The following MKRN1 variants were observed in gnomAD, a reference collection of about 807,000 sequenced individuals.
MKRN1 encodes the protein makorin ring finger protein 1, also known as E3 ubiquitin-protein ligase makorin-1.
Under a neutral mutation model 55.5 loss-of-function variants are expected in MKRN1, and 9 were observed. That is an observed-to-expected ratio of 0.16 (90% confidence interval 0.10 to 0.28). MKRN1 has a LOEUF of 0.28. Ranked by LOEUF, MKRN1 falls within the 10% of genes least tolerant of loss-of-function variation. The pLI, the probability that MKRN1 is intolerant of heterozygous loss-of-function variation, is 1.00. For missense variants in MKRN1, 488 were observed against 626.7 expected (o/e 0.78, Z 2.36); for synonymous variants, 253 against 235.9 (o/e 1.07, Z -0.66).
chr7:140,457,966 G>A (rs1011909815), intron 4 of MKRN1, among the ~76,000 whole-genome samples: 3 of 152,046 alleles, frequency 2.0e-5, no homozygotes, highest in African/African-American at 7.2e-5. Context: ...TAAAAAGATG[G>A]AAATTTAAAA....
At chr7:140,460,853 T>A (rs1794597795) in intron 2 of MKRN1, among the ~76,000 whole-genome samples, 1 of 152,254 alleles carries the variant, frequency 6.6e-6, no homozygotes, top group South Asian at 2.1e-4. Flanking sequence ...TATTCAACTC[T>A]GAAACTGCAG....
At chr7:140,463,763 T>C (rs1023098932) in intron 2 of MKRN1, among the ~76,000 whole-genome samples, 2 of 151,916 alleles carry the variant, frequency 1.3e-5, no homozygotes, top group African/African-American at 4.8e-5. Context: ...CAGGCGCCTG[T>C]AGTCCCAGCT....
intron 1 of MKRN1, among the ~76,000 whole-genome samples, chr7:140,474,102 CTA>C (rs1479325274): frequency 1.3e-5 from 2 of 151,430 alleles, no homozygotes; most frequent in African/African-American, 4.9e-5. Flanking sequence ...TGGCTCACAC[CTA>C]CAATCCCAGC....
At chr7:140,461,176 A>C (rs1794605707) in intron 2 of MKRN1, among the ~76,000 whole-genome samples, 1 of 152,268 alleles carries the variant, frequency 6.6e-6, no homozygotes, top group South Asian at 2.1e-4. Context: ...ATTAAAAGGT[A>C]GAGACAATAT....
intron 1 of MKRN1, chr7:140,473,182 T>G: frequency 4.8e-6 from 2 of 417,090 alleles, no homozygotes; most frequent in Non-Finnish European, 9.3e-6. Context: ...TGAATATAAG[T>G]ATATGTCTTG....
At chr7:140,463,216 C>G (rs562953548) in intron 2 of MKRN1, among the ~76,000 whole-genome samples, 4 of 152,310 alleles carry the variant, frequency 2.6e-5, no homozygotes, top group African/African-American at 9.6e-5. Flanking sequence ...AGAGTGGAAT[C>G]CTATAAGCTG....
At chr7:140,463,682 G>A (rs1039772998) in intron 2 of MKRN1, among the ~76,000 whole-genome samples, 21 of 151,876 alleles carry the variant, frequency 1.4e-4, no homozygotes, top group Non-Finnish European at 2.2e-4. Flanking sequence ...TCAGGAGATG[G>A]AGACCATCCT....
At chr7:140,469,914 G>A (rs985135180) in intron 2 of MKRN1, among the ~76,000 whole-genome samples, 4 of 151,920 alleles carry the variant, frequency 2.6e-5, no homozygotes, top group African/African-American at 4.8e-5. Flanking sequence ...TGAGTGTGGC[G>A]GTGCATGCCT....
rs1794432653 is a variant in MKRN1 at position 140,455,202 on chromosome 7, G to A, written c.1129C>T (p.Arg377Cys). Reference sequence around the variant, plus strand: ...TTCCCTCCAAATGGGCAGCTCCCACGTCCTTCATCAAAATACCTGCACGCC... The same window carrying A: ...TTCCCTCCAAATGGGCAGCTCCCACATCCTTCATCAAAATACCTGCACGCC... Reference protein sequence around the residue: ...NKACRYFDEGRGSCPFGGNCF... With the variant: ...NKACRYFDEGCGSCPFGGNCF... The change falls in exon 7 of 8, where the codon CGT becomes TGT. Residue 377 changes from arginine to cysteine, a missense_variant. Physicochemically the swap from Arg to Cys is radical, Grantham distance 180. Coordinates refer to ENST00000255977, the MANE Select transcript of MKRN1 (RefSeq NM_013446.4). The A allele has an allele frequency of 1.9e-6, 3 of 1,613,976 alleles. No homozygotes were observed. Among genetic ancestry groups the A allele is most frequent in the Non-Finnish European group, 2.5e-6 (3 of 1,180,010 alleles).
chr7:140,453,488 G>A lies in MKRN1; in HGVS notation c.*1029C>T, dbSNP rs1794389212. Reference sequence around the variant, plus strand: ...CCCGACAACAAAATGCCTCAAGTGAGGACAAAGGTTTCTCAGAAAGTGCCT... The same window carrying A: ...CCCGACAACAAAATGCCTCAAGTGAAGACAAAGGTTTCTCAGAAAGTGCCT... On this transcript the variant is annotated 3_prime_UTR_variant, in exon 8 of 8. Transcript: ENST00000255977. The A allele has an allele frequency of 6.6e-6, 1 of 152,564 alleles. No individual in the cohort carries two copies. Among genetic ancestry groups the A allele is most frequent in the East Asian group, 1.9e-4 (1 of 5,198 alleles). 9.5% of individuals were successfully genotyped at this position (152,564 alleles called of 1,614,324 possible). A position where few individuals can be genotyped will look rare whatever the true frequency, so the allele number is the denominator to read the frequency against.
intron 4 of MKRN1, among the ~76,000 whole-genome samples, chr7:140,458,787 C>T (rs914197218): frequency 4.6e-5 from 7 of 152,284 alleles, no homozygotes; most frequent in African/African-American, 1.7e-4. Context: ...TAACAAGTAG[C>T]TGGGACTATA....
At chr7:140,456,097 C>A in intron 5 of MKRN1, 197 bp from the exon 6 acceptor site, 1 of 1,066,584 alleles carries the variant, frequency 9.4e-7, no homozygotes, top group Non-Finnish European at 1.2e-6. Flanking sequence ...AAATCCAACT[C>A]AAGGGCTAGC....
chr7:140,471,132 C>G (rs1156277678), intron 2 of MKRN1, among the ~76,000 whole-genome samples: 2 of 152,122 alleles, frequency 1.3e-5, no homozygotes, highest in African/African-American at 4.8e-5. Flanking sequence ...CTTGTAATCC[C>G]AACACTTTTC....
At chr7:140,467,548 G>A (rs1794809201) in intron 2 of MKRN1, among the ~76,000 whole-genome samples, 1 of 152,044 alleles carries the variant, frequency 6.6e-6, no homozygotes, top group African/African-American at 2.4e-5. Flanking sequence ...AAAAGCGCGG[G>A]GATGACAGGT....
At chr7:140,455,493 A>G in intron 6 of MKRN1, 1 of 570,772 alleles carries the variant, frequency 1.8e-6, no homozygotes, top group Non-Finnish European at 3.1e-6. Flanking sequence ...GAAAGCCAAC[A>G]CATGAGAACA....
In MKRN1 at chr7:140,479,235, G is replaced by C. The variant is rs1169319017; in HGVS notation, c.110C>G (p.Pro37Arg). 1 of 1,447,376 alleles carries C rather than the reference G, an allele frequency of 6.9e-7. No homozygotes were observed. The allele number at this position is 1,447,376 out of a possible 1,614,324, so 89.7% of individuals were successfully genotyped here. Reference sequence around the variant, plus strand: ...GCCCCCTCCGCCCGCCCCCAGGGACGGGGCGGTGACTGTGGGGATCGGGGT... The same window carrying C: ...GCCCCCTCCGCCCGCCCCCAGGGACCGGGCGGTGACTGTGGGGATCGGGGT... Reference protein sequence around the residue: ...SPTPIPTVTAPSLGAGGGGGG... With the variant: ...SPTPIPTVTARSLGAGGGGGG... Residue 37 changes from proline (P) to arginine (R), a missense_variant, in exon 1 of 8, where the codon CCG (proline) becomes CGG (arginine). This residue lies in a region of MKRN1 where 210 missense variants were observed against 220.0 expected (regional missense o/e 0.95). Transcript: ENST00000255977.
intron 2 of MKRN1, among the ~76,000 whole-genome samples, chr7:140,469,052 C>T (rs537870370): frequency 6.6e-6 from 1 of 152,074 alleles, no homozygotes; most frequent in Non-Finnish European, 1.5e-5. Context: ...ATGACTATGG[C>T]ACAGTGGCTC....
intron 1 of MKRN1, among the ~76,000 whole-genome samples, chr7:140,477,222 C>A (rs561269207): frequency 2.0e-5 from 3 of 152,120 alleles, no homozygotes; most frequent in South Asian, 4.2e-4. Context: ...AAACCCCAGA[C>A]CTATCAAGGA....
intron 2 of MKRN1, among the ~76,000 whole-genome samples, chr7:140,470,295 C>T (rs1471414273): frequency 1.3e-5 from 2 of 151,208 alleles, no homozygotes; most frequent in Admixed American, 6.6e-5. Context: ...CTCTTAAAAA[C>T]AATACTGGGC....
Sources: allele counts gnomAD v4.1 joint callset (sites outside exome capture counted in the v4.1 genomes callset), GRCh38; gene constraint gnomAD v4.1.1; regional missense constraint gnomAD v4.1.1; transcripts MANE v1.5; gene names NCBI Gene and HGNC (gene_info 2026-07-23, HGNC 2026-07-21).